UGGT2: variants seen among roughly 807,000 people sequenced by gnomAD.
The protein encoded by UGGT2 is UDP-glucose glycoprotein glucosyltransferase 2.
UGGT2 carries 180 observed loss-of-function variants against 192.1 expected under a neutral mutation model. The observed-to-expected ratio is 0.94, with a 90% CI of 0.83 to 1.06. UGGT2 has a LOEUF of 1.06. UGGT2 is among the 50% of genes least tolerant of loss of function. The probability of loss-of-function intolerance (pLI) is 0.00; values close to 1 mark genes in which losing one functional copy is unlikely to be tolerated. For synonymous variants in UGGT2, 580 were observed against 591.0 expected (o/e 0.98, Z 0.27); for missense variants, 1,849 against 1,795.7 (o/e 1.03, Z -0.54).
chr13:95,821,937 A>G (rs2139803093), intron 38 of UGGT2, among the ~76,000 whole-genome samples: 1 of 152,154 alleles, frequency 6.6e-6, no homozygotes, highest in Admixed American at 6.6e-5. Context: ...ATTTTTATAC[A>G]AGCATCACAC....
chr13:95,964,573 T>C lies in UGGT2; in HGVS notation c.1335+5539A>G, dbSNP rs1246492566. Among the ~76,000 whole-genome samples, 3 of 152,050 alleles carry C rather than the reference T, an allele frequency of 2.0e-5. No individual in the cohort carries two copies. The East Asian group carries it at 5.8e-4, about 29-fold the overall frequency. ...AAACTATTGCTACAGGGGCTAATATTAAGAATATACAAGGAAGTTGAACAA... is the reference window on the plus strand; with the variant it reads ...AAACTATTGCTACAGGGGCTAATATCAAGAATATACAAGGAAGTTGAACAA... On this transcript the variant is annotated intron_variant, in intron 12 of 38. Coordinates refer to ENST00000376747, the MANE Select transcript of UGGT2 (RefSeq NM_020121.4).
chr13:95,861,084 G>A lies in UGGT2; in HGVS notation c.3645-201C>T, dbSNP rs540155096. On this transcript the variant is annotated intron_variant, in intron 31 of 38. Coordinates refer to ENST00000376747, the MANE Select transcript of UGGT2 (RefSeq NM_020121.4). The stretch of plus-strand genomic sequence containing the variant: ...ATGAGTTTTTTTTTAAATTTGTAAT[G>A]TGGAATATAACTATATTGTCTTTAG... Among the ~76,000 whole-genome samples, 4 of 152,030 alleles carry A rather than the reference G, an allele frequency of 2.6e-5. No individual in the cohort carries two copies. The South Asian group carries it at 8.3e-4, about 32-fold the overall frequency.
At chr13:95,882,772 T>C (rs1039568548) in intron 27 of UGGT2, among the ~76,000 whole-genome samples, 3 of 152,200 alleles carry the variant, frequency 2.0e-5, no homozygotes, top group African/African-American at 7.2e-5. Flanking sequence ...AGCTGTTGAA[T>C]AGCTGCTGAA....
intron 10 of UGGT2, among the ~76,000 whole-genome samples, chr13:95,981,981 T>C (rs558123485): frequency 6.6e-6 from 1 of 152,220 alleles, no homozygotes; most frequent in Non-Finnish European, 1.5e-5. Context: ...CTGGAAGTAG[T>C]AGGTGATCAA....
intron 24 of UGGT2, 68 bp downstream of exon 24, chr13:95,894,494 T>C (rs2047891002): frequency 7.7e-7 from 1 of 1,305,470 alleles, no homozygotes; most frequent in Non-Finnish European, 1.1e-6. Context: ...TACCATGTTA[T>C]GAAAACAAAT....
At chr13:96,044,584 C>T (rs2053254103) in intron 1 of UGGT2, among the ~76,000 whole-genome samples, 1 of 151,870 alleles carries the variant, frequency 6.6e-6, no homozygotes, top group Non-Finnish European at 1.5e-5. Flanking sequence ...GAAAAGATAA[C>T]ATAAATAGAC....
At position 95,816,378 on chromosome 13, in the gene UGGT2, A is replaced by G. The variant is rs545433390; in HGVS notation, c.4529-14566T>C. On this transcript the variant is annotated intron_variant, in intron 38 of 38. Coordinates refer to ENST00000376747, the MANE Select transcript of UGGT2 (RefSeq NM_020121.4). ...ACAGCTTCTCAGCCTCTTAGGTTAA[A>G]TACAAGCTTTCCATATGACCCAACA... Among the ~76,000 whole-genome samples, 6 of 152,306 alleles carry G rather than the reference A, an allele frequency of 3.9e-5. No individual in the cohort carries two copies. The South Asian group carries it at 1.2e-3, about 32-fold the overall frequency.
At position 95,895,295 on chromosome 13, in the gene UGGT2, G is replaced by A; in HGVS notation, c.2644C>T (p.Pro882Ser). ...TCTGCATAAAAATCTTCATCTAAAG[G>A]TCCTAAGAACTTAAAATAAAAACAG... ...GIVSNGRFLG[P>S]LDEDFYAEDF... Residue 882 changes from proline to serine, a missense_variant, in exon 23 of 39, where the codon CCT (proline) becomes TCT (serine). Physicochemically the swap from Pro to Ser is moderately conservative, Grantham distance 74 (BLOSUM62 -1). Transcript: ENST00000376747. The A allele has an allele frequency of 6.9e-7, 1 of 1,453,402 alleles. No homozygotes were observed. Among genetic ancestry groups the A allele is most frequent in the Non-Finnish European group, 9.4e-7 (1 of 1,067,904 alleles). The allele number at this position is 1,453,402 out of a possible 1,614,324, so 90.0% of individuals were successfully genotyped here.
intron 15 of UGGT2, among the ~76,000 whole-genome samples, chr13:95,940,413 T>C (rs545021759): frequency 6.6e-6 from 1 of 151,584 alleles, no homozygotes; most frequent in East Asian, 1.9e-4. Flanking sequence ...ATTTCAGAAA[T>C]GCTTTCATTT....
intron 8 of UGGT2, among the ~76,000 whole-genome samples, chr13:95,989,062 T>C (rs1440349301): frequency 6.6e-6 from 1 of 151,858 alleles, no homozygotes; most frequent in Non-Finnish European, 1.5e-5. Context: ...AAATGAGGAG[T>C]GACTGCTAAT....
chr13:95,835,673 A>G, intron 37 of UGGT2, among the ~76,000 whole-genome samples: 1 of 152,164 alleles, frequency 6.6e-6, no homozygotes, highest in East Asian at 1.9e-4. Context: ...CTTATTCGTC[A>G]GTGAAGATCT....
chr13:96,029,083 G>A (rs992876184), intron 2 of UGGT2, among the ~76,000 whole-genome samples: 9 of 152,076 alleles, frequency 5.9e-5, no homozygotes, highest in East Asian at 1.9e-4. Context: ...CCCAGGAGGC[G>A]GAGCTGGCAG....
chr13:95,902,992 T>A lies in UGGT2; in HGVS notation c.2364A>T (p.Thr788=), dbSNP rs372987467. Residue 788 remains threonine (T), a synonymous_variant, in exon 21 of 39, where the codon ACA becomes ACT. Coordinates refer to ENST00000376747, the MANE Select transcript of UGGT2 (RefSeq NM_020121.4). ...NPTSKINEEN[T]AISRGILAAF... is the part of the protein sequence containing the mutation. ...CTGCCAAAATTCCTCTAGAAATAGCTGTGTTCTCTTCATTTATTTTTGATG... is the reference window on the plus strand; with the variant it reads ...CTGCCAAAATTCCTCTAGAAATAGCAGTGTTCTCTTCATTTATTTTTGATG... 1 of 1,613,438 alleles carries A rather than the reference T, an allele frequency of 6.2e-7. No homozygotes were observed. The highest frequency in any genetic ancestry group is 8.5e-7 in the Non-Finnish European group (1 of 1,179,668).
chr13:95,818,240 G>A (rs1885115250), intron 38 of UGGT2, among the ~76,000 whole-genome samples: 1 of 152,206 alleles, frequency 6.6e-6, no homozygotes, highest in Non-Finnish European at 1.5e-5. Context: ...TTGAGCCCAG[G>A]AGATCGAGGA....
rs185847432 is a variant in UGGT2 at position 95,863,664 on chromosome 13, A to G, written c.3609T>C (p.Asp1203=). ...AATCCCACAGTCCTTTTGTTTTTTC[A>G]TCTTCATCGGTAAGGATATCTTCCT... is the stretch of plus-strand genomic sequence containing the variant. ...KIKEDILTDE[D]EKTKGLWDSI... Residue 1203 remains aspartate, a synonymous_variant, in exon 31 of 39, where the codon GAT becomes GAC. Transcript: ENST00000376747. 13 of 1,612,536 alleles carry G rather than the reference A, an allele frequency of 8.1e-6. No homozygotes were observed. The Admixed American group carries it at 1.8e-4, about 23-fold the overall frequency.
intron 36 of UGGT2, among the ~76,000 whole-genome samples, chr13:95,837,944 C>T (rs964063836): frequency 2.6e-5 from 4 of 152,078 alleles, no homozygotes; most frequent in African/African-American, 7.2e-5. Context: ...TTAAACATCA[C>T]ACTGAAAGTC....
At chr13:95,891,001 T>C in intron 24 of UGGT2, 37 bp from the exon 25 acceptor site, 2 of 1,450,584 alleles carry the variant, frequency 1.4e-6, no homozygotes, top group Non-Finnish European at 1.9e-6. Flanking sequence ...GATGACGTGT[T>C]AAGTTTATAC....
At chr13:96,022,142 A>G (rs2052532879) in intron 4 of UGGT2, among the ~76,000 whole-genome samples, 1 of 152,146 alleles carries the variant, frequency 6.6e-6, no homozygotes, top group South Asian at 2.1e-4. Flanking sequence ...ACAAAGAGCT[A>G]TGAAATAGAC....
At chr13:95,816,598 T>A (rs1884919632) in intron 38 of UGGT2, among the ~76,000 whole-genome samples, 1 of 152,216 alleles carries the variant, frequency 6.6e-6, no homozygotes, top group African/African-American at 2.4e-5. Context: ...AACAACATGA[T>A]AAGTCTTTGG....
Sources: allele counts gnomAD v4.1 joint callset (sites outside exome capture counted in the v4.1 genomes callset), GRCh38; gene constraint gnomAD v4.1.1; transcripts MANE v1.5; gene names NCBI Gene and HGNC (gene_info 2026-07-23, HGNC 2026-07-21).